The following GON4L variants were observed in gnomAD, a reference collection of about 807,000 sequenced individuals.
GON4L encodes the protein gon-4 like.
A neutral mutation model predicts 211.8 loss-of-function variants in GON4L; 87 were observed. The ratio of observed to expected loss-of-function variants is 0.41; its 90% CI spans 0.35 to 0.49. The LOEUF is 0.49. Among genes scored for constraint, GON4L ranks in the 20% least tolerant of loss-of-function variants. The pLI is 0.15. For synonymous variants in GON4L, 875 were observed against 962.6 expected (o/e 0.91, Z 1.68); for missense variants, 2,155 against 2,659.5 (o/e 0.81, Z 4.17).
intron 3 of GON4L, among the ~76,000 whole-genome samples, chr1:155,823,861 C>A (rs1668938975): frequency 6.6e-6 from 1 of 151,974 alleles, no homozygotes; most frequent in South Asian, 2.1e-4. Flanking sequence ...CCACTGCACT[C>A]AAGCCTGGGC....
rs148606574 is a variant in GON4L at position 155,766,513 on chromosome 1, C to T, written c.2960G>A (p.Arg987His). The change falls in exon 21 of 32, where the codon CGT becomes CAT. Residue 987 changes from arginine to histidine, a missense_variant. Arg to His is a conservative substitution (Grantham distance 29). Transcript: ENST00000368331. Reference sequence around the variant, plus strand: ...CTGTCTCCAAGCCTTCCTGGGGAAACGGGTGGCAACTGGCTTCAGTTTCAG... The same window carrying T: ...CTGTCTCCAAGCCTTCCTGGGGAAATGGGTGGCAACTGGCTTCAGTTTCAG... ...VVLKLKPVAT[R>H]FPRKAWRQKR... 66 of 1,613,902 alleles carry T rather than the reference C, an allele frequency of 4.1e-5. No homozygotes were observed. The highest frequency in any genetic ancestry group is 9.9e-5 in the South Asian group (9 of 91,080).
At position 155,752,510 on chromosome 1, in the gene GON4L, G is replaced by A. The variant is rs1489727928; in HGVS notation, c.5923C>T (p.Pro1975Ser). 6.3e-7 allele frequency: 1 copy of A among 1,592,738 alleles called. No homozygotes were observed. Among genetic ancestry groups the A allele is most frequent in the Non-Finnish European group, 8.5e-7 (1 of 1,170,084 alleles). Residue 1975 changes from proline (P) to serine (S), a missense_variant, in exon 30 of 32, where the codon CCT becomes TCT. By Grantham distance (74) the Pro-to-Ser change is moderately conservative (BLOSUM62 -1). Coordinates refer to ENST00000368331, the MANE Select transcript of GON4L (RefSeq NM_001282860.2). Reference protein sequence around the residue: ...TERLLLDGPPPHSPETPQFPP... With the variant: ...TERLLLDGPPSHSPETPQFPP... ...AATTGAGGAGTCTCTGGTGAATGAG[G>A]TGGTGGGCCATCCAGGAGGAGCCGT...
At chr1:155,754,010 A>G in intron 28 of GON4L, 1 of 356,630 alleles carries the variant, frequency 2.8e-6, no homozygotes, top group South Asian at 2.3e-5. Flanking sequence ...GGATTCCACA[A>G]CTCCTTCTCT....
At chr1:155,794,367 C>T (rs762421805) in intron 12 of GON4L, among the ~76,000 whole-genome samples, 1 of 152,150 alleles carries the variant, frequency 6.6e-6, no homozygotes, top group Non-Finnish European at 1.5e-5. Flanking sequence ...CCACCATGCC[C>T]GCCCTTAAAC....
intron 19 of GON4L, among the ~76,000 whole-genome samples, chr1:155,769,008 CCT>C (rs556359321): frequency 1.9e-4 from 29 of 151,964 alleles, no homozygotes; most frequent in Admixed American, 3.3e-4. Context: ...GACAGAGACT[CCT>C]CTGTCGCCCA....
At chr1:155,759,808 T>A (rs1311210672) in intron 24 of GON4L, among the ~76,000 whole-genome samples, 3 of 151,674 alleles carry the variant, frequency 2.0e-5, no homozygotes, top group Non-Finnish European at 4.4e-5. Flanking sequence ...CATTTCACGT[T>A]ACCATACCAC....
intron 1 of GON4L, among the ~76,000 whole-genome samples, chr1:155,855,489 T>C (rs995890842): frequency 6.6e-6 from 1 of 152,136 alleles, no homozygotes; most frequent in African/African-American, 2.4e-5. Context: ...CCCAAGTCAT[T>C]GGGATTACGG....
rs373765575 is a variant in GON4L at position 155,765,727 on chromosome 1, A to G, written c.3746T>C (p.Leu1249Ser). The G allele has an allele frequency of 1.9e-5, 30 of 1,614,032 alleles. No individual in the cohort carries two copies. Among genetic ancestry groups the G allele is most frequent in the Non-Finnish European group, 2.5e-5 (29 of 1,180,036 alleles). Residue 1249 changes from leucine (L) to serine (S), a missense_variant, in exon 21 of 32, where the codon TTA (leucine) becomes TCA (serine). Coordinates refer to ENST00000368331, the MANE Select transcript of GON4L (RefSeq NM_001282860.2). The stretch of plus-strand genomic sequence containing the variant: ...GAGAGGAGATAGTTCCTGGGGCTCT[A>G]ATTTGGGTTCTAGGCCCTGAAAGGC... ...ENAFQGLEPK[L>S]EPQELSPLSA...
intron 2 of GON4L, among the ~76,000 whole-genome samples, chr1:155,836,268 G>C (rs1449430015): frequency 1.2e-5 from 1 of 83,518 alleles, no homozygotes; most frequent in Non-Finnish European, 2.4e-5. Flanking sequence ...TTTTTTTTTT[G>C]AGACGACATC....
At chr1:155,847,390 CA>C in intron 2 of GON4L, among the ~76,000 whole-genome samples, 1 of 152,022 alleles carries the variant, frequency 6.6e-6, no homozygotes, top group East Asian at 1.9e-4. Flanking sequence ...GCCAACATGG[CA>C]AAAACGCATC....
chr1:155,754,056 A>G, intron 28 of GON4L: 1 of 383,226 alleles, frequency 2.6e-6, no homozygotes, highest in South Asian at 2.2e-5. Context: ...AACCAACTCC[A>G]TTCTAGAGAA....
upstream of GON4L, among the ~76,000 whole-genome samples, chr1:155,858,882 TGGG>T (rs1030620817): frequency 6.6e-6 from 1 of 151,762 alleles, no homozygotes; most frequent in Non-Finnish European, 1.5e-5. Flanking sequence ...TTAGTAGAGA[TGGG>T]GGTTTCACCA....
intron 2 of GON4L, among the ~76,000 whole-genome samples, chr1:155,829,533 G>GAGGTTGCAGTGAGCCA (rs574355513): frequency 2.0e-5 from 3 of 152,174 alleles, no homozygotes; most frequent in African/African-American, 4.8e-5. Context: ...CGGGGAGGCA[G>GAGGTTGCAGTGAGCCA]AGGTTGCAGT....
At chr1:155,749,399 G>GT (rs1660386904), downstream of GON4L, 1 of 1,607,322 alleles carries the variant, frequency 6.2e-7, no homozygotes, top group African/African-American at 1.4e-5. Flanking sequence ...TCTTGGCTCA[G>GT]TATTTACAAC....
Position 155,754,546 on chromosome 1 carries a change from T to C in GON4L, c.5518-58A>G, listed in dbSNP as rs199970389. 6.4e-4 allele frequency: 656 copies of C among 1,030,366 alleles called. No individual in the cohort carries two copies. In the East Asian group the frequency reaches 0.015, roughly 23 times the overall value. 63.8% of individuals were successfully genotyped at this position (1,030,366 alleles called of 1,614,324 possible). Reference sequence around the variant, plus strand: ...GTTGTTTTTTTTTTTTTTTTTTTTTTTGAGACAGAGTCTCGCTCTGTGGCC... The same window carrying C: ...GTTGTTTTTTTTTTTTTTTTTTTTTCTGAGACAGAGTCTCGCTCTGTGGCC... On this transcript the variant is annotated intron_variant, in intron 27 of 31. Transcript: ENST00000368331.
intron 18 of GON4L, among the ~76,000 whole-genome samples, chr1:155,771,632 C>T (rs1426541687): frequency 1.3e-5 from 2 of 152,062 alleles, no homozygotes; most frequent in African/African-American, 4.8e-5. Context: ...ACCACCATGC[C>T]GGGCTAATTT....
chr1:155,815,433 A>C (rs1401476286), intron 8 of GON4L, among the ~76,000 whole-genome samples: 1 of 152,168 alleles, frequency 6.6e-6, no homozygotes, highest in East Asian at 1.9e-4. Flanking sequence ...TATAAAGAAA[A>C]GCAAAGAAAT....
intron 6 of GON4L, among the ~76,000 whole-genome samples, chr1:155,818,086 T>C (rs1207141796): frequency 6.6e-6 from 1 of 152,090 alleles, no homozygotes; most frequent in African/African-American, 2.4e-5. Flanking sequence ...CCTTGGATTT[T>C]TTTTCCCCAA....
intron 12 of GON4L, among the ~76,000 whole-genome samples, chr1:155,789,591 C>T (rs980364587): frequency 6.6e-6 from 1 of 151,316 alleles, no homozygotes; most frequent in African/African-American, 2.4e-5. Context: ...ACCCATGCAA[C>T]ATAGACCTTG....
Sources: gnomAD v4.1 joint callset for allele counts (sites outside exome capture counted in the v4.1 genomes callset) on GRCh38, gnomAD v4.1.1 for gene constraint, MANE v1.5 for transcripts, NCBI Gene and HGNC (gene_info 2026-07-23, HGNC 2026-07-21) for gene names.